The following THEMIS variants were observed in gnomAD, a reference collection of about 807,000 sequenced individuals.
THEMIS encodes the protein protein THEMIS.
A neutral mutation model predicts 52.6 loss-of-function variants in THEMIS; 37 were observed. That is an observed-to-expected ratio of 0.70 (90% CI 0.54 to 0.93). The LOEUF (loss-of-function observed/expected upper bound fraction) is 0.93, where lower values mean the gene tolerates loss of function less well. THEMIS is among the 40% of genes least tolerant of loss of function. THEMIS has a pLI of 0.00. For missense variants in THEMIS, 808 were observed against 763.1 expected (o/e 1.06, Z -0.69); for synonymous variants, 292 against 272.7 (o/e 1.07, Z -0.70).
chr6:127,790,137 C>T (rs1777109644), intron 4 of THEMIS, among the ~76,000 whole-genome samples: 1 of 152,220 alleles, frequency 6.6e-6, no homozygotes, highest in African/African-American at 2.4e-5. Context: ...CCCATTGTCT[C>T]ATCCCAAAAT....
At chr6:127,907,730 A>T (rs1562334036) in intron 1 of THEMIS, among the ~76,000 whole-genome samples, 1 of 152,082 alleles carries the variant, frequency 6.6e-6, no homozygotes, top group Non-Finnish European at 1.5e-5. Flanking sequence ...AAACAAAATC[A>T]TAGTACACCC....
At chr6:127,726,019 ATTCACACC>A (rs959299213) in intron 4 of THEMIS, among the ~76,000 whole-genome samples, 2 of 152,034 alleles carry the variant, frequency 1.3e-5, no homozygotes, top group Non-Finnish European at 2.9e-5. Context: ...TCCCTGGACC[ATTCACACC>A]TTCTTATTCA....
intron 2 of THEMIS, among the ~76,000 whole-genome samples, chr6:127,850,351 C>T (rs1779377981): frequency 6.6e-6 from 1 of 151,672 alleles, no homozygotes; most frequent in Non-Finnish European, 1.5e-5. Flanking sequence ...CCTTAAATAA[C>T]CAAAAGTAGA....
chr6:127,877,048 G>A (rs1780335034), intron 1 of THEMIS, among the ~76,000 whole-genome samples: 1 of 152,120 alleles, frequency 6.6e-6, no homozygotes, highest in Non-Finnish European at 1.5e-5. Context: ...ATAGAATTAT[G>A]TCTAAAAAAT....
At chr6:127,887,012 C>T (rs1194418789) in intron 1 of THEMIS, among the ~76,000 whole-genome samples, 1 of 151,672 alleles carries the variant, frequency 6.6e-6, no homozygotes, top group African/African-American at 2.4e-5. Flanking sequence ...CCCTACCTCC[C>T]CCCCCAAAAA....
chr6:127,742,885 A>G (rs1326343721), intron 4 of THEMIS, among the ~76,000 whole-genome samples: 3 of 152,170 alleles, frequency 2.0e-5, no homozygotes. Context: ...TGGCCTTAAT[A>G]CACTGTAACT....
At chr6:127,883,611 G>T (rs913625318) in intron 1 of THEMIS, among the ~76,000 whole-genome samples, 5 of 151,954 alleles carry the variant, frequency 3.3e-5, no homozygotes, top group Non-Finnish European at 7.4e-5. Context: ...ACTTTATGAT[G>T]ATGTGAAAGT....
chr6:127,854,904 C>T (rs539281607), intron 2 of THEMIS, 126 bp downstream of exon 2: 43 of 759,740 alleles, frequency 5.7e-5, no homozygotes, highest in East Asian at 3.9e-4. Context: ...ATAACAATTC[C>T]GGATTTTCCC....
At chr6:127,884,607 T>C (rs1308779941) in intron 1 of THEMIS, among the ~76,000 whole-genome samples, 1 of 152,186 alleles carries the variant, frequency 6.6e-6, no homozygotes, top group Non-Finnish European at 1.5e-5. Context: ...CAGCTGCTAT[T>C]AACCCCTTGC....
Position 127,864,185 on chromosome 6 carries a change from T to C in THEMIS, c.92-8997A>G, listed in dbSNP as rs180900760. 4.4e-3 allele frequency among the ~76,000 whole-genome samples: 674 copies of C among 152,108 alleles called. 4 individuals are homozygous for C. The highest frequency in any genetic ancestry group is 0.017 in the Middle Eastern group (5 of 294). On this transcript the variant is annotated intron_variant, in intron 1 of 5. Transcript: ENST00000368248. ...TCAAATAATGAAAGATGATCTATAG[T>C]AGATTATAGACCAAGGGGGGCACAG...
intron 1 of THEMIS, among the ~76,000 whole-genome samples, chr6:127,891,842 C>T (rs1039311611): frequency 6.6e-6 from 1 of 152,108 alleles, no homozygotes; most frequent in African/African-American, 2.4e-5. Context: ...CTCCTTAAAC[C>T]TCTTCTCATA....
chr6:127,843,540 C>A (rs1030536952), intron 2 of THEMIS, among the ~76,000 whole-genome samples: 1 of 151,848 alleles, frequency 6.6e-6, no homozygotes, highest in Non-Finnish European at 1.5e-5. Flanking sequence ...AGTATAATAT[C>A]CTAGATACAC....
upstream of THEMIS, among the ~76,000 whole-genome samples, chr6:127,905,280 A>G (rs557378116): frequency 6.6e-6 from 1 of 152,202 alleles, no homozygotes; most frequent in African/African-American, 2.4e-5. Flanking sequence ...CTTTCAAAGG[A>G]TCACCAATAA....
chr6:127,861,147 A>G (rs561822768), intron 1 of THEMIS, among the ~76,000 whole-genome samples: 3 of 152,318 alleles, frequency 2.0e-5, no homozygotes, highest in Admixed American at 1.3e-4. Flanking sequence ...AATTTCATGT[A>G]TAAACAATAT....
chr6:127,884,506 A>G (rs1234253173), intron 1 of THEMIS, among the ~76,000 whole-genome samples: 3 of 152,256 alleles, frequency 2.0e-5, no homozygotes, highest in East Asian at 3.9e-4. Context: ...CTACTAGTCT[A>G]GACTCTTCAA....
intron 4 of THEMIS, among the ~76,000 whole-genome samples, chr6:127,740,127 A>G (rs1203953711): frequency 3.3e-5 from 5 of 152,174 alleles, no homozygotes; most frequent in Non-Finnish European, 5.9e-5. Flanking sequence ...CCAGGGAAAG[A>G]AGGAGGAAAT....
At chr6:127,726,820 C>G (rs1774563993) in intron 4 of THEMIS, among the ~76,000 whole-genome samples, 1 of 152,156 alleles carries the variant, frequency 6.6e-6, no homozygotes, top group Non-Finnish European at 1.5e-5. Flanking sequence ...CCATCAAGCT[C>G]AAATCAATGT....
intron 2 of THEMIS, among the ~76,000 whole-genome samples, chr6:127,852,492 A>G (rs1779463315): frequency 6.6e-6 from 1 of 151,588 alleles, no homozygotes; most frequent in South Asian, 2.1e-4. Flanking sequence ...ACAAGTCTCA[A>G]TACATTTAAA....
chr6:127,841,195 G>T (rs770673692), intron 2 of THEMIS, among the ~76,000 whole-genome samples: 3 of 151,986 alleles, frequency 2.0e-5, no homozygotes, highest in Non-Finnish European at 4.4e-5. Context: ...GCCATATATG[G>T]CATGTTGGGG....
Sources: gnomAD v4.1 joint callset for allele counts (sites outside exome capture counted in the v4.1 genomes callset) on GRCh38, gnomAD v4.1.1 for gene constraint, MANE v1.5 for transcripts, NCBI Gene and HGNC (gene_info 2026-07-23, HGNC 2026-07-21) for gene names.